The following NUP98 variants were observed in gnomAD, a reference collection of about 807,000 sequenced individuals.
NUP98 encodes the protein nuclear pore complex protein Nup98-Nup96.
In NUP98, 26 loss-of-function variants were observed where a neutral mutation model predicts 191.9. The ratio of observed to expected loss-of-function variants is 0.14; its 90% CI spans 0.10 to 0.19. The LOEUF is 0.19. NUP98 is among the 10% of genes least tolerant of loss of function. The pLI is 1.00. For missense variants in NUP98, 1,941 were observed against 2,178.8 expected (o/e 0.89, Z 2.17); for synonymous variants, 808 against 778.4 (o/e 1.04, Z -0.63).
intron 21 of NUP98, among the ~76,000 whole-genome samples, chr11:3,706,022 C>T (rs1305167093): frequency 4.7e-5 from 7 of 147,830 alleles, no homozygotes; most frequent in Admixed American, 4.7e-4. Flanking sequence ...AAAAAGTAGC[C>T]AGGTGTGGTG....
intron 6 of NUP98, 36 bp downstream of exon 6, chr11:3,773,596 A>G: frequency 7.9e-7 from 1 of 1,273,052 alleles, no homozygotes; most frequent in Non-Finnish European, 1.1e-6. Context: ...TAAAATCAAA[A>G]GGTTAGACTG....
chr11:3,771,800 G>A lies in NUP98; in HGVS notation c.732C>T (p.Ser244=), dbSNP rs1376595462. Residue 244 remains serine (S), a synonymous_variant, in exon 7 of 33, where the codon TCC becomes TCT. Transcript: ENST00000324932. Reference sequence around the variant, plus strand: ...CATATGCAAAGCCTGAATTAGTGGTGGAGGAGCTGAAGAGTCCTGTTGCGC... The same window carrying A: ...CATATGCAAAGCCTGAATTAGTGGTAGAGGAGCTGAAGAGTCCTGTTGCGC... ...TSSATGLFSS[S]TTNSGFAYGQ... 2 of 1,614,054 alleles carry A rather than the reference G, an allele frequency of 1.2e-6. No homozygotes were observed. Among genetic ancestry groups the A allele is most frequent in the Non-Finnish European group, 1.7e-6 (2 of 1,180,032 alleles).
chr11:3,723,737 G>A (rs2079497805), intron 15 of NUP98, among the ~76,000 whole-genome samples: 1 of 149,368 alleles, frequency 6.7e-6, no homozygotes, highest in African/African-American at 2.5e-5. Context: ...GTTAAAAAAT[G>A]CTTTATAAAT....
At position 3,695,967 on chromosome 11, in the gene NUP98, G is replaced by A. The variant is rs760943519; in HGVS notation, c.4010-361C>T. On this transcript the variant is annotated intron_variant, in intron 25 of 32. Transcript: ENST00000324932. ...AGCACTCTGGCAGGCCAAGGGAGGT[G>A]GATTACTTGAAGTCACGAGTTCGAG... 2.6e-5 allele frequency among the ~76,000 whole-genome samples: 4 copies of A among 152,140 alleles called. No homozygotes were observed. The South Asian group carries it at 8.3e-4, about 32-fold the overall frequency.
intron 11 of NUP98, among the ~76,000 whole-genome samples, chr11:3,747,969 A>G (rs2080571644): frequency 6.6e-6 from 1 of 152,204 alleles, no homozygotes; most frequent in Non-Finnish European, 1.5e-5. Context: ...ATTTCCCTAC[A>G]TGATATGCTG....
rs1367862106 is a variant in NUP98, at chr11:3,675,797, T to G, written c.*362A>C. ...TAGTATAAAAGGGCCAGGGTAGGAG[T>G]AGGGAAGCTGGTTGGCATGGAGGGT... is the stretch of plus-strand genomic sequence containing the variant. On this transcript the variant is annotated 3_prime_UTR_variant, in exon 33 of 33. Transcript: ENST00000324932. 3 of 382,640 alleles carry G rather than the reference T, an allele frequency of 7.8e-6. No homozygotes were observed. The highest frequency in any genetic ancestry group is 9.6e-6 in the Non-Finnish European group (2 of 207,368). The allele number at this position is 382,640 out of a possible 1,614,324, so 23.7% of individuals were successfully genotyped here.
intron 5 of NUP98, among the ~76,000 whole-genome samples, chr11:3,774,132 G>A (rs1159717751): frequency 2.0e-5 from 3 of 152,210 alleles, no homozygotes; most frequent in Non-Finnish European, 4.4e-5. Flanking sequence ...AGGAGCGGTG[G>A]CTCACGCCTG....
intron 18 of NUP98, 102 bp downstream of exon 18, chr11:3,719,310 A>T (rs1176619151): frequency 2.1e-5 from 19 of 894,594 alleles, no homozygotes; most frequent in Non-Finnish European, 3.3e-5. Flanking sequence ...CTCTATAGTA[A>T]GGAAAGCAAG....
intron 1 of NUP98, among the ~76,000 whole-genome samples, chr11:3,787,356 C>T (rs1038296264): frequency 1.3e-5 from 2 of 151,764 alleles, no homozygotes; most frequent in Admixed American, 6.6e-5. Flanking sequence ...CCAAGGTGGG[C>T]AGATCAACTA....
chr11:3,789,601 G>A (rs887420995), intron 1 of NUP98, among the ~76,000 whole-genome samples: 7 of 148,042 alleles, frequency 4.7e-5, no homozygotes. Context: ...CTGCAGCCTG[G>A]ACCTCCTGGG....
chr11:3,758,837 C>T (rs2081067207), intron 10 of NUP98, among the ~76,000 whole-genome samples: 2 of 152,064 alleles, frequency 1.3e-5, no homozygotes, highest in Admixed American at 6.6e-5. Context: ...AAGTATCTTA[C>T]CCATGGTAAC....
chr11:3,690,841 T>TA (rs917109247), intron 28 of NUP98, among the ~76,000 whole-genome samples: 3 of 151,576 alleles, frequency 2.0e-5, no homozygotes, highest in Non-Finnish European at 2.9e-5. Context: ...GTACCCCCGC[T>TA]AAAAAAAACC....
At chr11:3,696,509 G>T (rs1399617642) in intron 25 of NUP98, among the ~76,000 whole-genome samples, 1 of 151,336 alleles carries the variant, frequency 6.6e-6, no homozygotes. Flanking sequence ...CTTGGTGCAG[G>T]GGGGAGGGAA....
intron 22 of NUP98, among the ~76,000 whole-genome samples, chr11:3,703,167 G>A (rs74513725): frequency 0.012 from 1,870 of 151,498 alleles, 47 homozygotes; most frequent in African/African-American, 0.043. Context: ...TATGCAGCAG[G>A]CTCTGTATAA....
chr11:3,750,552 C>T (rs2080709404), intron 11 of NUP98, among the ~76,000 whole-genome samples: 1 of 152,164 alleles, frequency 6.6e-6, no homozygotes, highest in East Asian at 1.9e-4. Context: ...TCACTGAGAT[C>T]CGAAACACAT....
At chr11:3,780,557 A>AAAAAG (rs2081932757) in intron 2 of NUP98, among the ~76,000 whole-genome samples, 11 of 140,380 alleles carry the variant, frequency 7.8e-5, no homozygotes, top group African/African-American at 2.0e-4. Flanking sequence ...AAAAAAAAAA[A>AAAAAG]AAAAAGAAAA....
chr11:3,760,661 A>G (rs1319768911), intron 9 of NUP98, 35 bp from the exon 10 acceptor site: 1 of 1,575,040 alleles, frequency 6.3e-7, no homozygotes, highest in South Asian at 1.1e-5. Context: ...ATTTAAAATA[A>G]TATTAAGACA....
chr11:3,768,420 CAAA>C (rs367855588), intron 8 of NUP98, among the ~76,000 whole-genome samples, 158 bp downstream of exon 8: 2 of 79,430 alleles, frequency 2.5e-5, no homozygotes, highest in African/African-American at 4.7e-5. Context: ...GACTCCATCT[CAAA>C]AAAAAAAAAA....
intron 10 of NUP98, among the ~76,000 whole-genome samples, chr11:3,759,457 C>A (rs368016447): frequency 5.5e-4 from 84 of 152,104 alleles, no homozygotes; most frequent in Middle Eastern, 6.8e-3. Context: ...ATTAGCCAGG[C>A]ACAGTGGTGC....
Sources: gnomAD v4.1 joint callset for allele counts (sites outside exome capture counted in the v4.1 genomes callset) on GRCh38, gnomAD v4.1.1 for gene constraint, MANE v1.5 for transcripts, NCBI Gene and HGNC (gene_info 2026-07-23, HGNC 2026-07-21) for gene names.